The following JHY variants were observed in gnomAD, a reference collection of about 807,000 sequenced individuals.
JHY encodes jhy protein homolog.
A neutral mutation model predicts 78.0 loss-of-function variants in JHY; 69 were observed. The ratio of observed to expected loss-of-function variants is 0.88; its 90% CI spans 0.73 to 1.08. JHY has a LOEUF of 1.08. JHY is among the 50% of genes least tolerant of loss of function. JHY has a pLI of 0.00. For missense variants in JHY, 944 were observed against 927.8 expected, an observed-to-expected ratio of 1.02 and a Z score of -0.23; for synonymous variants, 368 against 342.6, an observed-to-expected ratio of 1.07 and a Z score of -0.82.
Position 122,934,771 on chromosome 11 carries a change from C to G in JHY, c.1330C>G (p.Pro444Ala). The change falls in exon 5 of 9, where the codon CCA becomes GCA. Residue 444 changes from proline to alanine, a missense_variant. Pro to Ala is a conservative substitution (Grantham distance 27, BLOSUM62 -1). Transcript: ENST00000227349. ...NLKETSNTFAPPKQAFDKVLS... is the reference protein window; with the variant it reads ...NLKETSNTFAAPKQAFDKVLS... ...CAAAGAAACCTCCAATACATTTGCT[C>G]CACCAAAACAGGCTTTTGACAAGGT... is the stretch of plus-strand genomic sequence containing the variant. The G allele has an allele frequency of 6.2e-7, 1 of 1,614,158 alleles. No individual in the cohort carries two copies. The highest frequency in any genetic ancestry group is 8.5e-7 in the Non-Finnish European group (1 of 1,180,036).
chr11:122,955,007 C>T (rs1266478060), intron 6 of JHY, among the ~76,000 whole-genome samples: 1 of 152,164 alleles, frequency 6.6e-6, no homozygotes, highest in African/African-American at 2.4e-5. Flanking sequence ...TCTTTTATAT[C>T]GTCTTTCCTA....
At chr11:122,926,365 A>G (rs1048823041) in intron 4 of JHY, among the ~76,000 whole-genome samples, 4 of 152,182 alleles carry the variant, frequency 2.6e-5, no homozygotes, top group African/African-American at 9.6e-5. Context: ...TGTTGACATC[A>G]GTTAAAACTA....
At chr11:122,904,535 G>A in intron 3 of JHY, 91 bp downstream of exon 3, 1 of 1,414,194 alleles carries the variant, frequency 7.1e-7, no homozygotes, top group Non-Finnish European at 9.6e-7. Flanking sequence ...CCTTTAAGAT[G>A]ACGATGTCAT....
At chr11:122,903,864 G>T in intron 2 of JHY, 61 bp from the exon 3 acceptor site, 2 of 1,503,920 alleles carry the variant, frequency 1.3e-6, no homozygotes, top group South Asian at 1.3e-5. Context: ...ATGTTCAACT[G>T]ACTATAATGA....
At position 122,960,022 on chromosome 11, in the gene JHY, C is replaced by A. The variant is rs921327107; in HGVS notation, c.*577C>A. Among the ~76,000 whole-genome samples, 1 of 152,118 alleles carries A rather than the reference C, an allele frequency of 6.6e-6. No homozygotes were observed. Among genetic ancestry groups the A allele is most frequent in the Non-Finnish European group, 1.5e-5 (1 of 68,026 alleles). On this transcript the variant is annotated 3_prime_UTR_variant, in exon 9 of 9. Coordinates refer to ENST00000227349, the MANE Select transcript of JHY (RefSeq NM_024806.4). ...GCTGAGGCAGTTGAATAGCTTGAGGCCAGGAGTTTGAGACCAGCCTGGGCA... is the reference window on the plus strand; with the variant it reads ...GCTGAGGCAGTTGAATAGCTTGAGGACAGGAGTTTGAGACCAGCCTGGGCA...
At position 122,941,343 on chromosome 11, in the gene JHY, C is replaced by T. The variant is rs146691572; in HGVS notation, c.1635-5155C>T. ...CACACAGATACCTCAAATCCAACAG[C>T]TCTGGGTTCTTCCTCATGCTTCTCC... On this transcript the variant is annotated intron_variant, in intron 5 of 8. Coordinates refer to ENST00000227349, the MANE Select transcript of JHY (RefSeq NM_024806.4). Among the ~76,000 whole-genome samples, 990 of 152,332 alleles carry T rather than the reference C, an allele frequency of 6.5e-3. 11 individuals are homozygous for T. Among genetic ancestry groups the T allele is most frequent in the Non-Finnish European group, 8.3e-3 (563 of 68,022 alleles).
intron 8 of JHY, chr11:122,958,547 G>GT (rs1393966946): frequency 2.1e-3 from 393 of 190,684 alleles, no homozygotes; most frequent in Middle Eastern, 5.4e-3. Context: ...CATTTTAGAG[G>GT]GTTTTTTTTT....
At chr11:122,887,344 G>A (rs1862517498) in intron 2 of JHY, among the ~76,000 whole-genome samples, 1 of 152,142 alleles carries the variant, frequency 6.6e-6, no homozygotes, top group Admixed American at 6.5e-5. Context: ...GTGGGACGGG[G>A]GAGGAGTCTC....
intron 2 of JHY, among the ~76,000 whole-genome samples, chr11:122,901,217 A>G (rs1302074458): frequency 6.6e-6 from 1 of 152,184 alleles, no homozygotes; most frequent in Non-Finnish European, 1.5e-5. Flanking sequence ...ATAAAGCATA[A>G]AAGTTTTTTA....
chr11:122,947,657 A>G (rs1863994058), intron 6 of JHY: 2 of 152,218 alleles, frequency 1.3e-5, no homozygotes, highest in African/African-American at 4.8e-5. Context: ...GTTGAAAGCA[A>G]TAAGCCTGTG....
intron 3 of JHY, among the ~76,000 whole-genome samples, chr11:122,910,222 C>A (rs1444564866): frequency 1.3e-5 from 2 of 152,072 alleles, no homozygotes; most frequent in Non-Finnish European, 2.9e-5. Context: ...TGCCTGTAAT[C>A]CCAGGACTTT....
In JHY at chr11:122,885,893, C is replaced by T. The variant is rs1436691498; in HGVS notation, c.44C>T (p.Pro15Leu). Residue 15 changes from proline (P) to leucine (L), a missense_variant, in exon 2 of 9, where the codon CCT becomes CTT. Physicochemically the swap from Pro to Leu is moderately conservative, Grantham distance 98. Coordinates refer to ENST00000227349, the MANE Select transcript of JHY (RefSeq NM_024806.4). The part of the protein sequence containing the change: ...KLIPKLSIQS[P>L]VLHTNLNVQS... ...ATTCCCAAGCTCTCTATTCAATCTC[C>T]TGTCCTTCATACCAACTTAAATGTC... The T allele has an allele frequency of 6.2e-7, 1 of 1,614,078 alleles. No homozygotes were observed. The highest frequency in any genetic ancestry group is 8.5e-7 in the Non-Finnish European group (1 of 1,179,968).
In JHY at chr11:122,923,883, ATTTTTTTTTT is replaced by A. The variant is rs760512913; in HGVS notation, c.865-996_865-987del. Among the ~76,000 whole-genome samples the A allele has an allele frequency of 8.2e-4, 82 of 100,506 alleles. 1 individual carries two copies. Among genetic ancestry groups the A allele is most frequent in the African/African-American group, 2.6e-3 (59 of 22,356 alleles). The allele number at this position is 100,506 out of a possible 152,430, so 65.9% of individuals were successfully genotyped here. ...AGACCCCAGTCACCACGCCTGGCTA[ATTTTTTTTTT>A]TTTTTTTTTTTTTTTTTGTATTTTT... On this transcript the variant is annotated intron_variant, in intron 3 of 8. Transcript: ENST00000227349.
intron 3 of JHY, 57 bp downstream of exon 3, chr11:122,904,501 G>C: frequency 6.5e-7 from 1 of 1,547,000 alleles, no homozygotes; most frequent in Non-Finnish European, 8.7e-7. Context: ...ATTTGCGTTT[G>C]TTTGCAGTGT....
Position 122,935,193 on chromosome 11 carries a change from T to A in JHY, c.1634+118T>A. 2 of 921,670 alleles carry A rather than the reference T, an allele frequency of 2.2e-6. No individual in the cohort carries two copies. Among genetic ancestry groups the A allele is most frequent in the Non-Finnish European group, 3.1e-6 (2 of 637,288 alleles). The allele number at this position is 921,670 out of a possible 1,614,324, so 57.1% of individuals were successfully genotyped here. On this transcript the variant is annotated intron_variant, in intron 5 of 8. Transcript: ENST00000227349. The surrounding 1 kb of genome is among the most constrained non-coding windows in gnomAD (Gnocchi z 4.5). ...TAAGGTGGCTAGGTGAGAAGAAGAGTTCACCTAACAACTTCCTTAGCTCTG... is the reference window on the plus strand; with the variant it reads ...TAAGGTGGCTAGGTGAGAAGAAGAGATCACCTAACAACTTCCTTAGCTCTG...
At chr11:122,929,238 TTG>T (rs1491541132) in intron 4 of JHY, among the ~76,000 whole-genome samples, 23 of 136,776 alleles carry the variant, frequency 1.7e-4, no homozygotes, top group South Asian at 2.4e-4. Context: ...AGGTTGTTTT[TTG>T]TTTTTTTTTT....
At chr11:122,924,492 C>T (rs1263015840) in intron 3 of JHY, among the ~76,000 whole-genome samples, 1 of 152,188 alleles carries the variant, frequency 6.6e-6, no homozygotes, top group African/African-American at 2.4e-5. Flanking sequence ...CGCGAGCATT[C>T]CATGTGTAGA....
chr11:122,909,765 C>A (rs1863074189), intron 3 of JHY, among the ~76,000 whole-genome samples: 1 of 151,656 alleles, frequency 6.6e-6, no homozygotes. Context: ...GGTGACAGAG[C>A]AAGACTCCAT....
rs1232213515 is a variant in JHY at position 122,960,972 on chromosome 11, C to T, written c.*1527C>T. ...CATGATGCGTTGAAAGGAACAAGAG[C>T]ACATGATAAATTGGGTGCAGAGCAT... On this transcript the variant is annotated 3_prime_UTR_variant, in exon 9 of 9. Transcript: ENST00000227349. 1 of 776,666 alleles carries T rather than the reference C, an allele frequency of 1.3e-6. No homozygotes were observed. Among genetic ancestry groups the T allele is most frequent in the East Asian group, 2.6e-5 (1 of 39,104 alleles). The allele number at this position is 776,666 out of a possible 1,614,324, so 48.1% of individuals were successfully genotyped here.
Sources: allele counts gnomAD v4.1 joint callset (sites outside exome capture counted in the v4.1 genomes callset), GRCh38; gene constraint gnomAD v4.1.1; non-coding constraint Gnocchi (gnomAD v3.1); transcripts MANE v1.5; gene names NCBI Gene and HGNC (gene_info 2026-07-23, HGNC 2026-07-21).